The following AUTS2 variants were observed in gnomAD, a reference collection of about 807,000 sequenced individuals.
The protein encoded by AUTS2 is activator of transcription and developmental regulator AUTS2, also known as autism susceptibility gene 2 protein.
A neutral mutation model predicts 112.4 loss-of-function variants in AUTS2; 17 were observed. The ratio of observed to expected loss-of-function variants is 0.15; its 90% confidence interval spans 0.10 to 0.23. AUTS2 has a LOEUF of 0.23. Ranked by LOEUF, AUTS2 falls within the 10% of genes least tolerant of loss-of-function variation. AUTS2 has a pLI of 1.00. For synonymous variants in AUTS2, 751 were observed against 702.7 expected (o/e 1.07, Z -1.09); for missense variants, 1,510 against 1,701.6 (o/e 0.89, Z 1.98).
intron 2 of AUTS2, among the ~76,000 whole-genome samples, chr7:69,903,571 G>C (rs1795048445): frequency 6.6e-6 from 1 of 152,168 alleles, no homozygotes; most frequent in African/African-American, 2.4e-5. Context: ...AGGCTTAAGT[G>C]AGCTAGAAGG....
intron 5 of AUTS2, among the ~76,000 whole-genome samples, chr7:70,581,154 G>A (rs566428869): frequency 2.0e-5 from 3 of 152,116 alleles, no homozygotes; most frequent in East Asian, 1.9e-4. Flanking sequence ...AGGCCGAGGC[G>A]GGCAGATCAC....
intron 2 of AUTS2, among the ~76,000 whole-genome samples, chr7:70,095,280 G>A (rs190214706): frequency 1.1e-4 from 17 of 152,244 alleles, no homozygotes; most frequent in Admixed American, 9.2e-4. Context: ...GTGTGCGTGC[G>A]TGCGCTCACG....
At chr7:70,055,171 A>C (rs1263296776) in intron 2 of AUTS2, among the ~76,000 whole-genome samples, 1 of 152,130 alleles carries the variant, frequency 6.6e-6, no homozygotes, top group African/African-American at 2.4e-5. Context: ...ACGGTGGCTC[A>C]CTTCTGTAAT....
At chr7:70,150,046 C>G (rs1049685388) in intron 4 of AUTS2, among the ~76,000 whole-genome samples, 4 of 151,592 alleles carry the variant, frequency 2.6e-5, no homozygotes, top group Non-Finnish European at 5.9e-5. Context: ...TTTTATTAAG[C>G]CAAGATTTAT....
chr7:69,706,014 G>A (rs569592452), intron 1 of AUTS2, among the ~76,000 whole-genome samples: 140 of 152,010 alleles, frequency 9.2e-4, no homozygotes, highest in African/African-American at 3.3e-3. Flanking sequence ...TCATTCTGAG[G>A]TACTGGGGGT....
intron 4 of AUTS2, among the ~76,000 whole-genome samples, chr7:70,295,406 G>A (rs995263167): frequency 2.4e-4 from 36 of 152,180 alleles, no homozygotes; most frequent in Admixed American, 3.9e-4. Context: ...TGTTGTTCTA[G>A]AATGCTGACT....
intron 4 of AUTS2, among the ~76,000 whole-genome samples, chr7:70,402,698 C>T (rs1794375801): frequency 6.6e-6 from 1 of 152,118 alleles, no homozygotes. Context: ...ACTGTGTGAC[C>T]TGGGGCCATT....
chr7:70,069,837 A>T (rs939858523), intron 2 of AUTS2, among the ~76,000 whole-genome samples: 1 of 151,986 alleles, frequency 6.6e-6, no homozygotes, highest in African/African-American at 2.4e-5. Context: ...CTTTTCAAGC[A>T]TCATTGGGGA....
At chr7:70,600,836 C>A (rs1027583973) in intron 5 of AUTS2, among the ~76,000 whole-genome samples, 2 of 152,182 alleles carry the variant, frequency 1.3e-5, no homozygotes, top group Non-Finnish European at 2.9e-5. Flanking sequence ...GTCAGCCAAG[C>A]TGTAACATGT....
intron 4 of AUTS2, among the ~76,000 whole-genome samples, chr7:70,412,455 A>G (rs1159125202): frequency 6.6e-6 from 1 of 152,188 alleles, no homozygotes; most frequent in Non-Finnish European, 1.5e-5. Context: ...AGAGCAAGGA[A>G]TCTAAGATGA....
chr7:70,060,330 G>C (rs1359490642), intron 2 of AUTS2, among the ~76,000 whole-genome samples: 1 of 152,202 alleles, frequency 6.6e-6, no homozygotes, highest in Non-Finnish European at 1.5e-5. Context: ...TTCTCAGAAT[G>C]GGGAGATTTT....
intron 2 of AUTS2, among the ~76,000 whole-genome samples, chr7:70,114,720 G>T (rs1805267784): frequency 6.6e-6 from 1 of 152,072 alleles, no homozygotes; most frequent in Non-Finnish European, 1.5e-5. Context: ...AGAATCGCTT[G>T]AACCGGGGAG....
chr7:70,060,800 G>A (rs921911946), intron 2 of AUTS2, among the ~76,000 whole-genome samples: 3 of 152,094 alleles, frequency 2.0e-5, no homozygotes, highest in Non-Finnish European at 2.9e-5. Flanking sequence ...AGAAGGCAGC[G>A]GTGGGGCTAA....
intron 8 of AUTS2, among the ~76,000 whole-genome samples, chr7:70,765,308 G>A (rs1370589579): frequency 6.6e-6 from 1 of 152,112 alleles, no homozygotes; most frequent in East Asian, 1.9e-4. Flanking sequence ...AGTGTGTCCC[G>A]TGTCGTCTGG....
chr7:70,136,400 A>T (rs1162342710), intron 4 of AUTS2, among the ~76,000 whole-genome samples: 1 of 152,224 alleles, frequency 6.6e-6, no homozygotes, highest in African/African-American at 2.4e-5. Flanking sequence ...ATGTTATCAG[A>T]GTGCAAAATC....
At chr7:70,020,125 G>A (rs767466361) in intron 2 of AUTS2, among the ~76,000 whole-genome samples, 13 of 152,164 alleles carry the variant, frequency 8.5e-5, no homozygotes, top group Non-Finnish European at 1.8e-4. Context: ...TAGGGACACG[G>A]TGCACACCTG....
chr7:70,342,069 C>T (rs1253162433), intron 4 of AUTS2, among the ~76,000 whole-genome samples: 3 of 152,134 alleles, frequency 2.0e-5, no homozygotes, highest in African/African-American at 7.2e-5. Flanking sequence ...GCTTTCTTAG[C>T]CTCTGCAGTG....
At chr7:70,315,547 C>T (rs1789954098) in intron 4 of AUTS2, among the ~76,000 whole-genome samples, 1 of 152,162 alleles carries the variant, frequency 6.6e-6, no homozygotes, top group South Asian at 2.1e-4. Flanking sequence ...CATTGTTATT[C>T]TTTCTGTTCC....
chr7:70,373,201 C>A (rs539010622), intron 4 of AUTS2, among the ~76,000 whole-genome samples: 29 of 151,228 alleles, frequency 1.9e-4, no homozygotes, highest in African/African-American at 6.3e-4. Context: ...GGGGCCAGGA[C>A]AGAAGAGCAG....
Sources: gnomAD v4.1 joint callset for allele counts (sites outside exome capture counted in the v4.1 genomes callset) on GRCh38, gnomAD v4.1.1 for gene constraint, MANE v1.5 for transcripts, NCBI Gene and HGNC (gene_info 2026-07-23, HGNC 2026-07-21) for gene names.